DLG1: variants seen among roughly 807,000 people sequenced by gnomAD.
DLG1 encodes the protein disks large homolog 1.
A neutral mutation model predicts 123.4 loss-of-function variants in DLG1; 42 were observed. That is an observed-to-expected ratio of 0.34 (90% CI 0.27 to 0.44). The LOEUF is 0.44. Ranked by LOEUF, DLG1 falls within the 20% of genes least tolerant of loss-of-function variation. DLG1 has a pLI of 1.00. For missense variants in DLG1, 942 were observed against 1,082.6 expected (o/e 0.87, Z 1.82); for synonymous variants, 317 against 356.2 (o/e 0.89, Z 1.24).
intron 3 of DLG1, among the ~76,000 whole-genome samples, chr3:197,288,741 A>ACATACAT (rs1213910267): frequency 1.3e-4 from 8 of 63,428 alleles, no homozygotes; most frequent in African/African-American, 2.3e-4. Context: ...AAAAAAAAAA[A>ACATACAT]AAATACATAC....
At chr3:197,220,640 G>C (rs577512141) in intron 4 of DLG1, among the ~76,000 whole-genome samples, 7 of 148,744 alleles carry the variant, frequency 4.7e-5, no homozygotes, top group African/African-American at 1.5e-4. Context: ...AGGAGTTTTT[G>C]GACTTTTTTC....
chr3:197,130,566 A>G lies in DLG1; in HGVS notation c.1126T>C (p.Tyr376His). The G allele has an allele frequency of 6.2e-7, 1 of 1,612,920 alleles. No homozygotes were observed. The highest frequency in any genetic ancestry group is 1.3e-5 in the African/African-American group (1 of 75,022). The change falls in exon 11 of 25, where the codon TAT becomes CAT. Residue 376 changes from tyrosine (Y) to histidine (H), a missense_variant. Physicochemically the swap from Tyr to His is moderately conservative, Grantham distance 83. Transcript: ENST00000667157. ...YLKVAKPTSM[Y>H]MNDGYAPPDI... ...GGTGGTGCATAGCCATCATTCATAT[A>G]CATACTTGTGGGTTTTGCCACTTTC... is the stretch of plus-strand genomic sequence containing the variant.
chr3:197,228,778 A>G (rs1229827365), intron 4 of DLG1, among the ~76,000 whole-genome samples: 1 of 152,210 alleles, frequency 6.6e-6, no homozygotes, highest in East Asian at 1.9e-4. Context: ...AATAGTACCT[A>G]TCAAACTACC....
intron 17 of DLG1, among the ~76,000 whole-genome samples, chr3:197,079,671 A>AT (rs1341353509): frequency 2.0e-5 from 3 of 152,122 alleles, no homozygotes; most frequent in Non-Finnish European, 4.4e-5. Context: ...AAAAATTCAC[A>AT]TTTTTCAAAT....
chr3:197,248,853 C>T (rs763384394), intron 4 of DLG1, among the ~76,000 whole-genome samples: 1 of 152,130 alleles, frequency 6.6e-6, no homozygotes, highest in Non-Finnish European at 1.5e-5. Flanking sequence ...GAACAAAAGA[C>T]AAGGAGGGTG....
chr3:197,142,951 A>G (rs986705075), intron 6 of DLG1, among the ~76,000 whole-genome samples, 183 bp from the exon 7 acceptor site: 1 of 152,236 alleles, frequency 6.6e-6, no homozygotes, highest in East Asian at 1.9e-4. Context: ...AATGTGATTA[A>G]TGAGTTGACA....
intron 23 of DLG1, 77 bp downstream of exon 23, chr3:197,059,812 T>C (rs1365799663): frequency 1.1e-6 from 1 of 903,830 alleles, no homozygotes; most frequent in East Asian, 2.5e-5. Flanking sequence ...TAAACTGAGA[T>C]GCAGGGAGAG....
chr3:197,051,265 C>T (rs1041189697), intron 24 of DLG1, among the ~76,000 whole-genome samples: 21 of 148,412 alleles, frequency 1.4e-4, no homozygotes, highest in African/African-American at 5.0e-4. Flanking sequence ...CCCAGCCACT[C>T]GGGAGGCTGA....
intron 1 of DLG1, chr3:197,297,558 G>C (rs1035439145): frequency 1.2e-5 from 13 of 1,071,496 alleles, no homozygotes; most frequent in Admixed American, 5.0e-5. Flanking sequence ...TACTGGGTAC[G>C]GGCGGGTGAA....
intron 24 of DLG1, among the ~76,000 whole-genome samples, chr3:197,045,805 CACTT>C (rs1382923089): frequency 6.6e-6 from 1 of 152,046 alleles, no homozygotes; most frequent in African/African-American, 2.4e-5. Flanking sequence ...TTAAATAAGT[CACTT>C]ACTAAACTAC....
Position 197,140,122 on chromosome 3 carries a change from A to G in DLG1, c.713+18T>C. 5 of 1,607,188 alleles carry G rather than the reference A, an allele frequency of 3.1e-6. No individual in the cohort carries two copies. The highest frequency in any genetic ancestry group is 4.3e-6 in the Non-Finnish European group (5 of 1,176,324). On this transcript the variant is annotated intron_variant, in intron 8 of 24. Transcript: ENST00000667157. ...CACAAAGTGGATTCAGCATCACAAT[A>G]AAAAGCGCAAAACATACCGCAATCT...
At chr3:197,066,609 A>T in intron 20 of DLG1, 95 bp downstream of exon 20, 2 of 904,892 alleles carry the variant, frequency 2.2e-6, no homozygotes, top group Non-Finnish European at 3.4e-6. Context: ...AAAAAATTTT[A>T]ATACAACATT....
At chr3:197,053,409 A>G (rs2148733710) in intron 23 of DLG1, among the ~76,000 whole-genome samples, 1 of 152,092 alleles carries the variant, frequency 6.6e-6, no homozygotes, top group South Asian at 2.1e-4. Context: ...TTCTTTGTTG[A>G]CAGTTAAATT....
At chr3:197,129,682 G>A (rs1191360212) in intron 11 of DLG1, among the ~76,000 whole-genome samples, 1 of 152,086 alleles carries the variant, frequency 6.6e-6, no homozygotes, top group African/African-American at 2.4e-5. Context: ...GACATATAAT[G>A]AGAAATATGC....
At chr3:197,296,779 A>G in intron 2 of DLG1, 1 of 331,316 alleles carries the variant, frequency 3.0e-6, no homozygotes, top group Non-Finnish European at 5.3e-6. Flanking sequence ...CAACAGTTTC[A>G]GATTACCTGA....
rs562986447 is a variant in DLG1, at chr3:197,061,422, C to T, written c.2374-1424G>A. Among the ~76,000 whole-genome samples, 7 of 152,282 alleles carry T rather than the reference C, an allele frequency of 4.6e-5. No individual in the cohort carries two copies. The East Asian group carries it at 1.3e-3, about 29-fold the overall frequency. ...ACCTCGTATTTCTTAAAAACAATGG[C>T]ATCTCTTACATAATCACAATATGAT... On this transcript the variant is annotated intron_variant, in intron 22 of 24. Coordinates refer to ENST00000667157, the MANE Select transcript of DLG1 (RefSeq NM_001366207.1).
intron 4 of DLG1, among the ~76,000 whole-genome samples, chr3:197,226,965 C>T (rs191336715): frequency 5.0e-4 from 76 of 152,290 alleles, no homozygotes; most frequent in African/African-American, 1.7e-3. Context: ...AAATCTTGCA[C>T]ACAGATGTTA....
intron 4 of DLG1, among the ~76,000 whole-genome samples, chr3:197,244,885 G>A (rs923778912): frequency 2.6e-5 from 4 of 152,176 alleles, no homozygotes; most frequent in African/African-American, 4.8e-5. Flanking sequence ...TGAGGGAAGA[G>A]AAAGTGGAAG....
At chr3:197,103,294 C>T (rs974759152) in intron 14 of DLG1, among the ~76,000 whole-genome samples, 1 of 151,998 alleles carries the variant, frequency 6.6e-6, no homozygotes, top group African/African-American at 2.4e-5. Flanking sequence ...TTTCTTACTG[C>T]TTTTGTGTGT....
Sources: gnomAD v4.1 joint callset for allele counts (sites outside exome capture counted in the v4.1 genomes callset) on GRCh38, gnomAD v4.1.1 for gene constraint, MANE v1.5 for transcripts, NCBI Gene and HGNC (gene_info 2026-07-23, HGNC 2026-07-21) for gene names.